Variants in CHRM3 observed in about 807,000 individuals in gnomAD.
The protein encoded by CHRM3 is cholinergic receptor muscarinic 3.
In CHRM3, 11 loss-of-function variants were observed where a neutral mutation model predicts 41.8. The observed-to-expected ratio is 0.26, with a 90% CI of 0.17 to 0.44. The LOEUF (loss-of-function observed/expected upper bound fraction) is 0.44, where lower values mean the gene tolerates loss of function less well. Ranked by LOEUF, CHRM3 falls within the 20% of genes least tolerant of loss-of-function variation. CHRM3 has a pLI of 1.00. For synonymous variants in CHRM3, 297 were observed against 301.4 expected (o/e 0.99, Z 0.15); for missense variants, 571 against 745.4 (o/e 0.77, Z 2.72).
intron 6 of CHRM3, among the ~76,000 whole-genome samples, chr1:239,852,545 C>T (rs928451243): frequency 1.3e-5 from 2 of 152,152 alleles, no homozygotes; most frequent in African/African-American, 2.4e-5. Flanking sequence ...ACTATAAAGT[C>T]ATAGTAGCCA....
At chr1:239,672,698 C>T (rs772062559) in intron 4 of CHRM3, among the ~76,000 whole-genome samples, 60 of 151,912 alleles carry the variant, frequency 3.9e-4, no homozygotes, top group Non-Finnish European at 5.7e-4. Flanking sequence ...GGAGATCAAA[C>T]GGTGCCTGAA....
Position 239,914,064 on chromosome 1 carries a change from A to C in CHRM3, c.*4840A>C, listed in dbSNP as rs1399821094. 1 of 167,110 alleles carries C rather than the reference A, an allele frequency of 6.0e-6. No individual in the cohort carries two copies. Among genetic ancestry groups the C allele is most frequent in the Non-Finnish European group, 1.5e-5 (1 of 68,134 alleles). 10.4% of individuals were successfully genotyped at this position (167,110 alleles called of 1,614,324 possible). On this transcript the variant is annotated 3_prime_UTR_variant, in exon 7 of 7. Coordinates refer to ENST00000676153, the MANE Select transcript of CHRM3 (RefSeq NM_001375978.1). Reference sequence around the variant, plus strand: ...GGGGCCATACTCTCCACTGCAAAGAAGCATTAGTAAAACTTCCCGCACCCA... The same window carrying C: ...GGGGCCATACTCTCCACTGCAAAGACGCATTAGTAAAACTTCCCGCACCCA...
chr1:239,878,265 C>G (rs1677287211), intron 6 of CHRM3, among the ~76,000 whole-genome samples: 1 of 152,000 alleles, frequency 6.6e-6, no homozygotes, highest in African/African-American at 2.4e-5. Context: ...CTAGATGGTC[C>G]CATCTGGGGG....
chr1:239,615,530 T>C (rs1667537546), intron 3 of CHRM3, among the ~76,000 whole-genome samples: 1 of 152,198 alleles, frequency 6.6e-6, no homozygotes, highest in Non-Finnish European at 1.5e-5. Context: ...ATGCATTCAT[T>C]GTTCAACCGT....
intron 5 of CHRM3, among the ~76,000 whole-genome samples, chr1:239,801,706 AAT>A (rs1670228915): frequency 6.6e-6 from 1 of 152,174 alleles, no homozygotes; most frequent in Non-Finnish European, 1.5e-5. Flanking sequence ...GTGAATAGTT[AAT>A]GTGTTTCATT....
intron 5 of CHRM3, among the ~76,000 whole-genome samples, chr1:239,730,926 G>T (rs998241378): frequency 1.3e-5 from 2 of 151,918 alleles, no homozygotes; most frequent in Non-Finnish European, 2.9e-5. Flanking sequence ...TAACATCAGG[G>T]AGGAAAATGA....
chr1:239,414,488 T>C (rs908847958), intron 1 of CHRM3, among the ~76,000 whole-genome samples: 2 of 152,260 alleles, frequency 1.3e-5, no homozygotes, highest in East Asian at 1.9e-4. Context: ...TTGTCTGCGC[T>C]GTGTGACATT....
intron 6 of CHRM3, among the ~76,000 whole-genome samples, chr1:239,893,894 T>C (rs1377529337): frequency 6.6e-6 from 1 of 152,212 alleles, no homozygotes; most frequent in Non-Finnish European, 1.5e-5. Context: ...GCTCGGTATC[T>C]TACCCAGTTT....
chr1:239,730,881 C>A (rs1160480645), intron 5 of CHRM3, among the ~76,000 whole-genome samples: 1 of 151,820 alleles, frequency 6.6e-6, no homozygotes, highest in East Asian at 1.9e-4. Context: ...CTGCAATGAT[C>A]TGAGAGAGCA....
At chr1:239,802,429 C>G (rs780793047) in intron 5 of CHRM3, among the ~76,000 whole-genome samples, 1 of 152,094 alleles carries the variant, frequency 6.6e-6, no homozygotes, top group Non-Finnish European at 1.5e-5. Context: ...TAAGGCTGTT[C>G]AAAACACCAC....
At chr1:239,701,818 A>G (rs1331005120) in intron 5 of CHRM3, among the ~76,000 whole-genome samples, 1 of 151,914 alleles carries the variant, frequency 6.6e-6, no homozygotes, top group Non-Finnish European at 1.5e-5. Flanking sequence ...TTCTCACCCC[A>G]TTCCTCGCTC....
intron 2 of CHRM3, among the ~76,000 whole-genome samples, chr1:239,532,052 T>G (rs35366199): frequency 0.53 from 60,904 of 115,202 alleles, 16,379 homozygotes; most frequent in Middle Eastern, 0.65. Flanking sequence ...TTGCCCTGTC[T>G]CCCAGGCTGG....
intron 1 of CHRM3, among the ~76,000 whole-genome samples, chr1:239,468,227 A>AT (rs1298058072): frequency 6.6e-6 from 1 of 152,178 alleles, no homozygotes. Context: ...GAAAAATGCC[A>AT]TTTTTTAAAT....
chr1:239,455,082 T>C (rs908556174), intron 1 of CHRM3, among the ~76,000 whole-genome samples: 1 of 152,190 alleles, frequency 6.6e-6, no homozygotes, highest in African/African-American at 2.4e-5. Context: ...TTTATTTATT[T>C]ATTTATATTT....
intron 5 of CHRM3, among the ~76,000 whole-genome samples, chr1:239,773,000 C>T (rs1479445392): frequency 6.6e-6 from 1 of 152,184 alleles, no homozygotes; most frequent in Non-Finnish European, 1.5e-5. Context: ...ACCTGGTAAA[C>T]ACTCATTCAA....
intron 5 of CHRM3, among the ~76,000 whole-genome samples, chr1:239,775,361 A>G (rs1668010008): frequency 6.6e-6 from 1 of 152,180 alleles, no homozygotes; most frequent in Admixed American, 6.5e-5. Flanking sequence ...TCTGTGAAAA[A>G]TGTTCAAGAT....
chr1:239,912,706 A>AGG lies in CHRM3; in HGVS notation c.*3483_*3484dup, dbSNP rs1459417161. On this transcript the variant is annotated 3_prime_UTR_variant, in exon 7 of 7. Coordinates refer to ENST00000676153, the MANE Select transcript of CHRM3 (RefSeq NM_001375978.1). ...GTCTAATACCAGAGTGGCACAGAGA[A>AGG]GGATTCCAGGGATCAGTCAGGGTGT... The AGG allele has an allele frequency of 6.0e-6, 1 of 167,202 alleles. No individual in the cohort carries two copies. The highest frequency in any genetic ancestry group is 1.5e-5 in the Non-Finnish European group (1 of 68,200). The allele number at this position is 167,202 out of a possible 1,614,324, so 10.4% of individuals were successfully genotyped here.
intron 2 of CHRM3, among the ~76,000 whole-genome samples, chr1:239,517,295 A>T (rs1287197220): frequency 6.6e-6 from 1 of 152,184 alleles, no homozygotes; most frequent in Non-Finnish European, 1.5e-5. Flanking sequence ...AAACCTTGAC[A>T]CTTGGGTTAG....
rs74882536 is a variant in CHRM3, at chr1:239,912,493, G to C, written c.*3269G>C. ...CCTGCTGTGGCTAAAGATCTAGAAGGCATATCAGTTTTCTCTGTCAGGCTT... is the reference window on the plus strand; with the variant it reads ...CCTGCTGTGGCTAAAGATCTAGAAGCCATATCAGTTTTCTCTGTCAGGCTT... On this transcript the variant is annotated 3_prime_UTR_variant, in exon 7 of 7. Transcript: ENST00000676153. 0.022 allele frequency: 3,751 copies of C among 167,244 alleles called. 57 individuals carry two copies. Among genetic ancestry groups the C allele is most frequent in the Non-Finnish European group, 0.034 (2,291 of 68,136 alleles). The allele number at this position is 167,244 out of a possible 1,614,324, so 10.4% of individuals were successfully genotyped here.
Sources: allele counts gnomAD v4.1 joint callset (sites outside exome capture counted in the v4.1 genomes callset), GRCh38; gene constraint gnomAD v4.1.1; transcripts MANE v1.5; gene names NCBI Gene and HGNC (gene_info 2026-07-23, HGNC 2026-07-21).